Variants in COL4A3 observed in about 807,000 individuals in gnomAD.
COL4A3 encodes the protein collagen alpha-3(IV) chain.
In COL4A3, 135 loss-of-function variants were observed where a neutral mutation model predicts 217.4. That is an observed-to-expected ratio of 0.62 (90% CI 0.54 to 0.72). The LOEUF (loss-of-function observed/expected upper bound fraction) is 0.72, where lower values mean the gene tolerates loss of function less well. COL4A3 is among the 30% of genes least tolerant of loss of function. COL4A3 has a pLI of 0.00. For synonymous variants in COL4A3, 690 were observed against 736.3 expected (o/e 0.94, Z 1.02); for missense variants, 1,868 against 2,119.9 (o/e 0.88, Z 2.33).
At chr2:227,170,148 G>A (rs912356548) in intron 1 of COL4A3, among the ~76,000 whole-genome samples, 1 of 152,138 alleles carries the variant, frequency 6.6e-6, no homozygotes, top group African/African-American at 2.4e-5. Flanking sequence ...ATGGTACACA[G>A]AAATGCTACT....
chr2:227,314,040 G>A lies in COL4A3; in HGVS notation c.*2170G>A, dbSNP rs1344408525. 6.6e-6 allele frequency: 1 copy of A among 152,632 alleles called. No individual in the cohort carries two copies. The highest frequency in any genetic ancestry group is 1.5e-5 in the Non-Finnish European group (1 of 68,058). 9.5% of individuals were successfully genotyped at this position (152,632 alleles called of 1,614,324 possible). A position where few individuals can be genotyped will look rare whatever the true frequency, so the allele number is the denominator to read the frequency against. ...AAACCTGTTCTAGACAAATACCCAAGCAACAACTCCGCAGGCAGTTACCAA... is the reference window on the plus strand; with the variant it reads ...AAACCTGTTCTAGACAAATACCCAAACAACAACTCCGCAGGCAGTTACCAA... On this transcript the variant is annotated 3_prime_UTR_variant, in exon 52 of 52. Coordinates refer to ENST00000396578, the MANE Select transcript of COL4A3 (RefSeq NM_000091.5).
chr2:227,280,024 T>A (rs1179623043), intron 29 of COL4A3, 134 bp downstream of exon 29: 1 of 647,908 alleles, frequency 1.5e-6, no homozygotes, highest in Non-Finnish European at 2.7e-6. Context: ...AGATATTAAA[T>A]TTTTTAAATG....
rs200287952 is a variant in COL4A3, at chr2:227,277,511, G to A, written c.2083G>A (p.Gly695Arg). The A allele has an allele frequency of 1.7e-4, 271 of 1,612,506 alleles. No homozygotes were observed. Among genetic ancestry groups the A allele is most frequent in the Non-Finnish European group, 2.2e-4 (255 of 1,179,554 alleles). Reference sequence around the variant, plus strand: ...TCTTCCAGGGCCTGATGGTGAACCAGGAATTCCAGGAATTGGATTTCCTGG... The same window carrying A: ...TCTTCCAGGGCCTGATGGTGAACCAAGAATTCCAGGAATTGGATTTCCTGG... The part of the protein sequence containing the change: ...PGLPGPDGEP[G>R]IPGIGFPGPP... Residue 695 changes from glycine to arginine, a missense_variant, in exon 28 of 52, where the codon GGA becomes AGA. By Grantham distance (125) the Gly-to-Arg change is moderately radical. This residue lies in a region of COL4A3 where 1,503 missense variants were observed against 1,786.1 expected (regional missense o/e 0.84). Coordinates refer to ENST00000396578, the MANE Select transcript of COL4A3 (RefSeq NM_000091.5).
chr2:227,259,927 T>G, intron 19 of COL4A3, 50 bp downstream of exon 19: 1 of 1,324,706 alleles, frequency 7.5e-7, no homozygotes, highest in East Asian at 2.3e-5. Context: ...TTTCTGGCTT[T>G]CTTTCAAGGT....
chr2:227,172,000 G>T (rs967698584), intron 1 of COL4A3, among the ~76,000 whole-genome samples: 2 of 152,162 alleles, frequency 1.3e-5, no homozygotes, highest in African/African-American at 4.8e-5. Context: ...GCTTGAGAGG[G>T]GAGCATGCGC....
chr2:227,230,324 G>A (rs144846949), intron 1 of COL4A3, among the ~76,000 whole-genome samples: 28 of 152,158 alleles, frequency 1.8e-4, no homozygotes, highest in Non-Finnish European at 3.2e-4. Context: ...ATGTAATCTC[G>A]GGTCATTTCC....
At position 227,282,290 on chromosome 2, in the gene COL4A3, A is replaced by ATATG. The variant is rs1559896836; in HGVS notation, c.2489-72_2489-71insGTAT. 36 of 686,172 alleles carry ATATG rather than the reference A, an allele frequency of 5.2e-5. No homozygotes were observed. In the African/African-American group the frequency reaches 6.5e-4, roughly 12 times the overall value. 42.5% of individuals were successfully genotyped at this position (686,172 alleles called of 1,614,324 possible). ...CCATCTTAAAAATATATATATATATATATATATATATTTCTGAAGTTAGTA... is the reference window on the plus strand; with the variant it reads ...CCATCTTAAAAATATATATATATATATATGTATATATATATTTCTGAAGTTAGTA... On this transcript the variant is annotated intron_variant, in intron 31 of 51. Transcript: ENST00000396578. This position sits in a 1 kb window ranked among gnomAD's most constrained non-coding sequence, Gnocchi z 4.4.
At chr2:227,247,730 T>C (rs746255879) in intron 8 of COL4A3, 146 bp downstream of exon 8, 1 of 878,968 alleles carries the variant, frequency 1.1e-6, no homozygotes, top group South Asian at 1.4e-5. Context: ...AATCGGGACA[T>C]GATATTTATT....
chr2:227,225,987 C>CTT (rs2068069023), intron 1 of COL4A3, among the ~76,000 whole-genome samples: 2 of 152,080 alleles, frequency 1.3e-5, no homozygotes, highest in African/African-American at 4.8e-5. Flanking sequence ...GCTGGGATTA[C>CTT]AGTCGTGAGC....
chr2:227,210,762 G>A (rs2067286995), intron 1 of COL4A3, among the ~76,000 whole-genome samples: 1 of 152,126 alleles, frequency 6.6e-6, no homozygotes, highest in Non-Finnish European at 1.5e-5. Context: ...ACCACCAAAT[G>A]CAATTCAGAC....
chr2:227,219,683 T>C (rs958410114), intron 1 of COL4A3, among the ~76,000 whole-genome samples: 10 of 152,262 alleles, frequency 6.6e-5, no homozygotes, highest in Non-Finnish European at 7.3e-5. Context: ...AGTCTGTTTT[T>C]AGTGCTGTGA....
At chr2:227,166,816 T>C (rs1559787967) in intron 1 of COL4A3, among the ~76,000 whole-genome samples, 1 of 152,134 alleles carries the variant, frequency 6.6e-6, no homozygotes, top group Non-Finnish European at 1.5e-5. Flanking sequence ...AATCGGGCAA[T>C]GTGCACCAAC....
chr2:227,171,497 G>C (rs921130113), intron 1 of COL4A3, among the ~76,000 whole-genome samples: 1 of 151,914 alleles, frequency 6.6e-6, no homozygotes, highest in Admixed American at 6.6e-5. Context: ...GTGTATGATG[G>C]AACAAAATCC....
At position 227,284,207 on chromosome 2, in the gene COL4A3, T is replaced by C. The variant is rs772016854; in HGVS notation, c.2747-4T>C. On this transcript the variant is annotated splice_polypyrimidine_tract_variant and splice_region_variant and intron_variant, in intron 33 of 51. Transcript: ENST00000396578. ...GACCTGATGTTGTTACTCCTGTCTGTTAGGGAGCCCTGGAATTCCAGGAGT... is the reference window on the plus strand; with the variant it reads ...GACCTGATGTTGTTACTCCTGTCTGCTAGGGAGCCCTGGAATTCCAGGAGT... 47 of 1,613,892 alleles carry C rather than the reference T, an allele frequency of 2.9e-5. No homozygotes were observed. Among genetic ancestry groups the C allele is most frequent in the Non-Finnish European group, 3.4e-5 (40 of 1,179,992 alleles).
At chr2:227,295,454 G>A in intron 41 of COL4A3, 138 bp downstream of exon 41, 2 of 760,392 alleles carry the variant, frequency 2.6e-6, no homozygotes, top group Non-Finnish European at 4.6e-6. Flanking sequence ...TTATCATCTT[G>A]GTCTTCAATT....
chr2:227,238,496 A>G (rs2068828300), intron 2 of COL4A3, among the ~76,000 whole-genome samples: 1 of 152,182 alleles, frequency 6.6e-6, no homozygotes, highest in Admixed American at 6.5e-5. Flanking sequence ...GGCAAAACTT[A>G]GCAGAGGGAA....
At chr2:227,169,717 T>C (rs942918828) in intron 1 of COL4A3, among the ~76,000 whole-genome samples, 9 of 152,204 alleles carry the variant, frequency 5.9e-5, no homozygotes, top group Non-Finnish European at 7.3e-5. Flanking sequence ...TCATGTCCTT[T>C]GCCCACTTTT....
intron 1 of COL4A3, among the ~76,000 whole-genome samples, chr2:227,222,159 TAATAATGATAATGATAATAA>T (rs771977689): frequency 1.5e-4 from 14 of 94,336 alleles, no homozygotes; most frequent in Admixed American, 9.0e-4. Flanking sequence ...ATAATAATAA[TAATAATGATAATGATAATAA>T]AAAGCTCCTT....
At chr2:227,197,003 G>A (rs2066507182) in intron 1 of COL4A3, among the ~76,000 whole-genome samples, 1 of 151,868 alleles carries the variant, frequency 6.6e-6, no homozygotes, top group South Asian at 2.1e-4. Flanking sequence ...TCTCATGGTA[G>A]TGAGTGAGTC....
Sources: allele counts gnomAD v4.1 joint callset (sites outside exome capture counted in the v4.1 genomes callset), GRCh38; gene constraint gnomAD v4.1.1; regional missense constraint gnomAD v4.1.1; non-coding constraint Gnocchi (gnomAD v3.1); transcripts MANE v1.5; gene names NCBI Gene and HGNC (gene_info 2026-07-23, HGNC 2026-07-21).